Variants in NHLRC2 observed in about 807,000 individuals in gnomAD.
The protein encoded by NHLRC2 is NHL repeat containing 2.
In NHLRC2, 33 loss-of-function variants were observed where a neutral mutation model predicts 68.1. That is an observed-to-expected ratio of 0.48 (90% CI 0.37 to 0.65). The LOEUF (loss-of-function observed/expected upper bound fraction) is 0.65. NHLRC2 is among the 30% of genes least tolerant of loss of function. The pLI is 0.00. For missense variants in NHLRC2, 761 were observed against 853.8 expected (o/e 0.89, Z 1.35); for synonymous variants, 311 against 309.6 (o/e 1.00, Z -0.05).
intron 1 of NHLRC2, among the ~76,000 whole-genome samples, chr10:113,855,510 C>T (rs1845741191): frequency 6.6e-6 from 1 of 152,064 alleles, no homozygotes; most frequent in African/African-American, 2.4e-5. Context: ...CTCTGTCTCC[C>T]AGGCTGGAGT....
At chr10:113,903,356 A>G (rs1846244791) in intron 8 of NHLRC2, among the ~76,000 whole-genome samples, 171 bp from the exon 9 acceptor site, 1 of 152,204 alleles carries the variant, frequency 6.6e-6, no homozygotes. Context: ...CTTAGACTGC[A>G]ATTTGAATGT....
Position 113,876,486 on chromosome 10 carries a change from TTAA to T in NHLRC2, c.332-30_332-28del, listed in dbSNP as rs1489568782. 5 of 1,208,206 alleles carry T rather than the reference TTAA, an allele frequency of 4.1e-6. No homozygotes were observed. The South Asian group carries it at 7.3e-5, about 18-fold the overall frequency. The allele number at this position is 1,208,206 out of a possible 1,614,324, so 74.8% of individuals were successfully genotyped here. A position where few individuals can be genotyped will look rare whatever the true frequency, so the allele number is the denominator to read the frequency against. ...GATGATGATATTCAAACTTAAATATTTAATAATGTTTAACATATAATTTTTTCC... is the reference window on the plus strand; with the variant it reads ...GATGATGATATTCAAACTTAAATATTTAATGTTTAACATATAATTTTTTCC... On this transcript the variant is annotated intron_variant, in intron 2 of 10. Transcript: ENST00000369301.
intron 4 of NHLRC2, among the ~76,000 whole-genome samples, chr10:113,883,661 A>C (rs1307685846): frequency 1.3e-5 from 2 of 151,920 alleles, no homozygotes; most frequent in Non-Finnish European, 1.5e-5. Context: ...TTTATAAAGT[A>C]AAGTCCGTAA....
At position 113,908,508 on chromosome 10, in the gene NHLRC2, C is replaced by G; in HGVS notation, c.2153C>G (p.Ala718Gly). The change falls in exon 11 of 11, where the codon GCT becomes GGT. Residue 718 changes from alanine (A) to glycine (G), a missense_variant. Transcript: ENST00000369301. Reference sequence around the variant, plus strand: ...ACGGATACACAGCAAGGTTGCATAGCTCCAGTAGAGCTCAGGTATGTATTT... The same window carrying G: ...ACGGATACACAGCAAGGTTGCATAGGTCCAGTAGAGCTCAGGTATGTATTT... The part of the protein sequence containing the change: ...QITDTQQGCI[A>G]PVELRYVF 6.2e-7 allele frequency: 1 copy of G among 1,614,074 alleles called. No homozygotes were observed. The highest frequency in any genetic ancestry group is 1.1e-5 in the South Asian group (1 of 91,078).
chr10:113,874,979 T>C (rs1055642629), intron 2 of NHLRC2, among the ~76,000 whole-genome samples: 2 of 151,818 alleles, frequency 1.3e-5, no homozygotes, highest in African/African-American at 2.4e-5. Flanking sequence ...AGCATAGTTA[T>C]CTAGTTGCTT....
intron 2 of NHLRC2, among the ~76,000 whole-genome samples, chr10:113,872,981 C>A (rs922254336): frequency 6.6e-6 from 1 of 152,040 alleles, no homozygotes; most frequent in African/African-American, 2.4e-5. Context: ...GGGTGATTGA[C>A]CCAGAACAGT....
At chr10:113,884,644 A>AC (rs1846066083) in intron 5 of NHLRC2, among the ~76,000 whole-genome samples, 1 of 151,152 alleles carries the variant, frequency 6.6e-6, no homozygotes, top group African/African-American at 2.4e-5. Flanking sequence ...TATTAGATGC[A>AC]CCCTCCAATT....
In NHLRC2 at chr10:113,913,847, GT is replaced by G. The variant is rs1166883832; in HGVS notation, c.*5329del. On this transcript the variant is annotated 3_prime_UTR_variant, in exon 11 of 11. Coordinates refer to ENST00000369301, the MANE Select transcript of NHLRC2 (RefSeq NM_198514.4). ...AGGTACTTTTTGTTGTTGTTGTTTT[GT>G]TTTTTTTTTTTTTTTTTGAGATGGA... The G allele has an allele frequency of 9.4e-3, 1,144 of 121,478 alleles. 8 individuals carry two copies. The highest frequency in any genetic ancestry group is 0.021 in the South Asian group (77 of 3,752). The allele number at this position is 121,478 out of a possible 1,614,324, so 7.5% of individuals were successfully genotyped here. A position where few individuals can be genotyped will look rare whatever the true frequency, so the allele number is the denominator to read the frequency against.
At chr10:113,877,003 AT>A in intron 3 of NHLRC2, 27 bp downstream of exon 3, 1 of 1,345,256 alleles carries the variant, frequency 7.4e-7, no homozygotes, top group Non-Finnish European at 1.0e-6. Flanking sequence ...ATTACGATAG[AT>A]AACGTGTTTT....
At chr10:113,881,404 T>C (rs1846035076) in intron 4 of NHLRC2, among the ~76,000 whole-genome samples, 1 of 151,850 alleles carries the variant, frequency 6.6e-6, no homozygotes, top group Admixed American at 6.6e-5. Flanking sequence ...GAAAGTGGAA[T>C]TTTTTCCTTT....
chr10:113,860,100 A>G (rs541887723), intron 2 of NHLRC2, among the ~76,000 whole-genome samples: 10 of 152,348 alleles, frequency 6.6e-5, no homozygotes, highest in African/African-American at 2.4e-4. Flanking sequence ...AATGCATTGT[A>G]TAGCGTTCTT....
chr10:113,858,570 A>C lies in NHLRC2; in HGVS notation c.221A>C (p.Lys74Thr), dbSNP rs1056335204. 1.9e-6 allele frequency: 3 copies of C among 1,609,928 alleles called. No individual in the cohort carries two copies. Among genetic ancestry groups the C allele is most frequent in the Admixed American group, 3.3e-5 (2 of 60,000 alleles). The change falls in exon 2 of 11, where the codon AAG becomes ACG. Residue 74 changes from lysine (K) to threonine (T), a missense_variant. Lys to Thr is a moderately conservative substitution (Grantham distance 78). Coordinates refer to ENST00000369301, the MANE Select transcript of NHLRC2 (RefSeq NM_198514.4). ...ACAGAAGAACCTATTTCTGTCTACAAGGATCTATGTGGAAAAATAGTCGTC... is the reference window on the plus strand; with the variant it reads ...ACAGAAGAACCTATTTCTGTCTACACGGATCTATGTGGAAAAATAGTCGTC... ...LNTEEPISVY[K>T]DLCGKIVVLD...
chr10:113,854,729 A>G lies in NHLRC2; in HGVS notation c.-144A>G. On this transcript the variant is annotated 5_prime_UTR_variant, in exon 1 of 11. Transcript: ENST00000369301. Reference sequence around the variant, plus strand: ...GCACTTGGACCTATGCTTTAAAAAGAAAAAAGTGTCATTGGCGTGGAGTGG... The same window carrying G: ...GCACTTGGACCTATGCTTTAAAAAGGAAAAAGTGTCATTGGCGTGGAGTGG... The G allele has an allele frequency of 1.5e-6, 1 of 649,970 alleles. No individual in the cohort carries two copies. The highest frequency in any genetic ancestry group is 2.6e-6 in the Non-Finnish European group (1 of 391,740). 40.3% of individuals were successfully genotyped at this position (649,970 alleles called of 1,614,324 possible).
Position 113,905,037 on chromosome 10 carries a change from G to A in NHLRC2, c.1924+1G>A. 1.4e-6 allele frequency: 2 copies of A among 1,469,424 alleles called. No homozygotes were observed. Among genetic ancestry groups the A allele is most frequent in the Non-Finnish European group, 1.8e-6 (2 of 1,089,898 alleles). The allele number at this position is 1,469,424 out of a possible 1,614,324, so 91.0% of individuals were successfully genotyped here. Reference sequence around the variant, plus strand: ...AGTTGCTGGTTTCTAACAGCTGAAGGTATGAGTATAAGCTTGCAAATACTA... The same window carrying A: ...AGTTGCTGGTTTCTAACAGCTGAAGATATGAGTATAAGCTTGCAAATACTA... On this transcript the variant is annotated splice_donor_variant, in intron 10 of 10. Coordinates refer to ENST00000369301, the MANE Select transcript of NHLRC2 (RefSeq NM_198514.4). LOFTEE classifies it high-confidence loss of function.
intron 2 of NHLRC2, among the ~76,000 whole-genome samples, chr10:113,859,971 A>G (rs1845800465): frequency 6.6e-6 from 1 of 152,224 alleles, no homozygotes; most frequent in Non-Finnish European, 1.5e-5. Flanking sequence ...GCATGGAATC[A>G]CAGAGGAGTA....
intron 6 of NHLRC2, 55 bp from the exon 7 acceptor site, chr10:113,901,611 A>G (rs538586948): frequency 1.8e-6 from 2 of 1,108,432 alleles, no homozygotes; most frequent in East Asian, 2.4e-5. Context: ...TTTAAGAACT[A>G]AATTGCACAC....
At chr10:113,877,508 A>T (rs912577373) in intron 3 of NHLRC2, among the ~76,000 whole-genome samples, 1 of 152,122 alleles carries the variant, frequency 6.6e-6, no homozygotes, top group Non-Finnish European at 1.5e-5. Flanking sequence ...CCAGAATAGA[A>T]ATAGGTGTAG....
At chr10:113,858,319 T>C (rs187769547) in intron 1 of NHLRC2, among the ~76,000 whole-genome samples, 2 of 152,238 alleles carry the variant, frequency 1.3e-5, no homozygotes, top group Admixed American at 6.5e-5. Flanking sequence ...CATAAAGATA[T>C]ATCTTTTATT....
Position 113,908,291 on chromosome 10 carries a change from C to G in NHLRC2, c.1936C>G (p.Leu646Val), listed in dbSNP as rs1846293057. The change falls in exon 11 of 11, where the codon CTA (leucine) becomes GTA (valine). Residue 646 changes from leucine (L) to valine (V), a missense_variant. Transcript: ENST00000369301. ...TTTTTGATTTTTAGGCAATGAATGG[C>G]TACTTCAAGGACAGATAGCAGCTGG... ...WFLTAEGNEW[L>V]LQGQIAAGDI... The G allele has an allele frequency of 1.2e-6, 2 of 1,613,038 alleles. No individual in the cohort carries two copies. Among genetic ancestry groups the G allele is most frequent in the Non-Finnish European group, 1.7e-6 (2 of 1,179,032 alleles).
Sources: allele counts gnomAD v4.1 joint callset (sites outside exome capture counted in the v4.1 genomes callset), GRCh38; gene constraint gnomAD v4.1.1; transcripts MANE v1.5; gene names NCBI Gene and HGNC (gene_info 2026-07-23, HGNC 2026-07-21).